The following ANO3 variants were observed in gnomAD, a reference collection of about 807,000 sequenced individuals.
ANO3 encodes anoctamin 3.
In ANO3, 99 loss-of-function variants were observed where a neutral mutation model predicts 144.8. The observed-to-expected ratio is 0.68, with a 90% confidence interval of 0.58 to 0.81. The LOEUF is 0.81. Among genes scored for constraint, ANO3 ranks in the 30% least tolerant of loss-of-function variants. The pLI is 0.00. For missense variants in ANO3, 905 were observed against 1,202.2 expected, an observed-to-expected ratio of 0.75 and a Z score of 3.66; for synonymous variants, 414 against 392.6, an observed-to-expected ratio of 1.05 and a Z score of -0.64.
At chr11:26,494,942 C>A (rs1030156746) in intron 4 of ANO3, among the ~76,000 whole-genome samples, 1 of 152,068 alleles carries the variant, frequency 6.6e-6, no homozygotes, top group Non-Finnish European at 1.5e-5. Context: ...TTTTTCTTGA[C>A]CTGTCCTTCA....
chr11:26,209,760 C>T lies in ANO3; in HGVS notation c.154+20430C>T, dbSNP rs765368568. 1.0e-3 allele frequency among the ~76,000 whole-genome samples: 158 copies of T among 152,116 alleles called. 1 individual carries two copies. The highest frequency in any genetic ancestry group is 3.6e-3 in the African/African-American group (150 of 41,524). On this transcript the variant is annotated intron_variant, in intron 1 of 27. Transcript: ENST00000672621. ...TGGCCAGAGATGATGAGCTTTTTTTCGTGTTTGTTGGCCACATAAATATCT... is the reference window on the plus strand; with the variant it reads ...TGGCCAGAGATGATGAGCTTTTTTTTGTGTTTGTTGGCCACATAAATATCT...
At chr11:26,225,253 C>A (rs1405524242) in intron 1 of ANO3, among the ~76,000 whole-genome samples, 1 of 151,962 alleles carries the variant, frequency 6.6e-6, no homozygotes, top group Middle Eastern at 3.2e-3. Context: ...ATTTGTGGGG[C>A]TTGAAGCTCG....
At chr11:26,363,639 G>C (rs544225987) in intron 1 of ANO3, among the ~76,000 whole-genome samples, 6 of 152,216 alleles carry the variant, frequency 3.9e-5, no homozygotes, top group Admixed American at 2.0e-4. Flanking sequence ...TCAACATAAA[G>C]TTCGGGGAGG....
chr11:26,595,104 T>C (rs1042530892), intron 14 of ANO3, among the ~76,000 whole-genome samples: 1 of 152,240 alleles, frequency 6.6e-6, no homozygotes, highest in African/African-American at 2.4e-5. Context: ...TGAGCTTTAG[T>C]CCTAGAGCGT....
At chr11:26,318,985 A>G (rs1266588977) in intron 1 of ANO3, among the ~76,000 whole-genome samples, 1 of 151,556 alleles carries the variant, frequency 6.6e-6, no homozygotes, top group Non-Finnish European at 1.5e-5. Context: ...AGCCCTTTGT[A>G]TTTTTTTCTG....
At chr11:26,401,677 G>T (rs556503302) in intron 1 of ANO3, among the ~76,000 whole-genome samples, 3 of 151,942 alleles carry the variant, frequency 2.0e-5, no homozygotes, top group Non-Finnish European at 4.4e-5. Context: ...AGGAGTTCGA[G>T]ACCAGCCTGG....
chr11:26,521,683 T>A (rs1215927578), intron 6 of ANO3, among the ~76,000 whole-genome samples: 1 of 152,138 alleles, frequency 6.6e-6, no homozygotes. Flanking sequence ...ACATGTCAGA[T>A]CATTTTAGCA....
chr11:26,362,738 A>G (rs942595793), intron 1 of ANO3, among the ~76,000 whole-genome samples: 5 of 152,170 alleles, frequency 3.3e-5, no homozygotes, highest in Non-Finnish European at 7.4e-5. Flanking sequence ...TTATGTTTTT[A>G]TATTTTGTTA....
At chr11:26,270,634 C>T (rs528777403) in intron 1 of ANO3, among the ~76,000 whole-genome samples, 52 of 152,170 alleles carry the variant, frequency 3.4e-4, no homozygotes, top group African/African-American at 1.1e-3. Context: ...AAATATATTA[C>T]GAATTCATTT....
At chr11:26,570,732 A>T (rs1200492978) in intron 14 of ANO3, among the ~76,000 whole-genome samples, 2 of 152,178 alleles carry the variant, frequency 1.3e-5, no homozygotes, top group African/African-American at 4.8e-5. Context: ...TCTCTCAAAG[A>T]AAACTCTGTC....
In ANO3 at chr11:26,440,561, G is replaced by A. The variant is rs370392889; in HGVS notation, c.47-1357G>A. On this transcript the variant is annotated intron_variant, in intron 1 of 26. Coordinates refer to ENST00000256737, the MANE Select transcript of ANO3 (RefSeq NM_031418.4). The stretch of plus-strand genomic sequence containing the variant: ...ATACTGATTTTTAGAGAGGAAACAT[G>A]AAGAATGAACTGAGACAGGCAATTA... Among the ~76,000 whole-genome samples the A allele has an allele frequency of 2.6e-3, 398 of 152,216 alleles. 20 individuals carry two copies. In the South Asian group the frequency reaches 0.081, roughly 31 times the overall value.
intron 6 of ANO3, among the ~76,000 whole-genome samples, chr11:26,519,727 G>A (rs1175038005): frequency 6.6e-6 from 1 of 152,138 alleles, no homozygotes; most frequent in Admixed American, 6.6e-5. Flanking sequence ...GAACCATTAA[G>A]TATTGGAATT....
chr11:26,374,341 G>C (rs1405308002), intron 1 of ANO3, among the ~76,000 whole-genome samples: 5 of 152,182 alleles, frequency 3.3e-5, no homozygotes, highest in Admixed American at 6.5e-5. Context: ...GGCAAAGAGA[G>C]CTGCTTTGTA....
At chr11:26,449,632 A>G (rs1293489827) in intron 3 of ANO3, among the ~76,000 whole-genome samples, 1 of 151,888 alleles carries the variant, frequency 6.6e-6, no homozygotes, top group Non-Finnish European at 1.5e-5. Context: ...TGCTTTGTTA[A>G]TTTTCTCACT....
At chr11:26,441,274 C>G (rs1473403746) in intron 1 of ANO3, among the ~76,000 whole-genome samples, 1 of 151,020 alleles carries the variant, frequency 6.6e-6, no homozygotes, top group Non-Finnish European at 1.5e-5. Context: ...CCCGCCACTA[C>G]GCCCGGCTAA....
intron 14 of ANO3, among the ~76,000 whole-genome samples, chr11:26,561,482 G>A (rs1016108325): frequency 7.2e-5 from 11 of 151,946 alleles, no homozygotes; most frequent in African/African-American, 2.7e-4. Context: ...GAAGAGACCA[G>A]TATAGTATAT....
chr11:26,635,536 T>C (rs1351848494), intron 20 of ANO3, among the ~76,000 whole-genome samples: 2 of 152,142 alleles, frequency 1.3e-5, no homozygotes, highest in Admixed American at 6.6e-5. Context: ...GTAGTATTGT[T>C]GGGTTACAGG....
intron 17 of ANO3, among the ~76,000 whole-genome samples, chr11:26,611,016 G>A (rs948021655): frequency 6.6e-6 from 1 of 151,704 alleles, no homozygotes; most frequent in African/African-American, 2.4e-5. Flanking sequence ...TATTTATTTA[G>A]GTCTTTCCTC....
intron 1 of ANO3, among the ~76,000 whole-genome samples, chr11:26,398,556 T>A (rs1273276790): frequency 6.6e-6 from 1 of 152,124 alleles, no homozygotes; most frequent in East Asian, 1.9e-4. Flanking sequence ...ATCTGAGATA[T>A]TTTATAATTT....
Sources: gnomAD v4.1 joint callset for allele counts (sites outside exome capture counted in the v4.1 genomes callset) on GRCh38, gnomAD v4.1.1 for gene constraint, MANE v1.5 for transcripts, NCBI Gene and HGNC (gene_info 2026-07-23, HGNC 2026-07-21) for gene names.